Variants in SRGAP1 observed in about 807,000 individuals in gnomAD.
The protein encoded by SRGAP1 is SLIT-ROBO Rho GTPase-activating protein 1.
Under a neutral mutation model 121.9 loss-of-function variants are expected in SRGAP1, and 43 were observed. The observed-to-expected ratio is 0.35, with a 90% CI of 0.28 to 0.46. The LOEUF is 0.46. Among genes scored for constraint, SRGAP1 ranks in the 20% least tolerant of loss-of-function variants. SRGAP1 has a pLI of 1.00. For synonymous variants in SRGAP1, 447 were observed against 485.4 expected, an observed-to-expected ratio of 0.92 and a Z score of 1.04; for missense variants, 1,102 against 1,350.9, an observed-to-expected ratio of 0.82 and a Z score of 2.89.
chr12:64,000,273 TG>T (rs1452789341), intron 3 of SRGAP1, among the ~76,000 whole-genome samples: 3 of 147,184 alleles, frequency 2.0e-5, no homozygotes, highest in African/African-American at 7.7e-5. Flanking sequence ...TGTGTGTGTG[TG>T]TAAAAAAAAA....
chr12:63,898,911 G>T (rs1202478852), intron 1 of SRGAP1, among the ~76,000 whole-genome samples: 2 of 152,084 alleles, frequency 1.3e-5, no homozygotes, highest in African/African-American at 4.8e-5. Context: ...GAAAAGATAG[G>T]ACATATGTTT....
At chr12:64,017,862 A>G (rs1220298065) in intron 4 of SRGAP1, among the ~76,000 whole-genome samples, 1 of 152,136 alleles carries the variant, frequency 6.6e-6, no homozygotes, top group East Asian at 1.9e-4. Context: ...ATCGTTAAAA[A>G]TTAAATAAAT....
At chr12:64,116,576 G>A (rs1352638864) in intron 18 of SRGAP1, among the ~76,000 whole-genome samples, 1 of 152,108 alleles carries the variant, frequency 6.6e-6, no homozygotes, top group Non-Finnish European at 1.5e-5. Flanking sequence ...GCAGTTGCTT[G>A]CAGTTTGAAC....
chr12:63,976,662 G>A (rs1012580729), intron 1 of SRGAP1, among the ~76,000 whole-genome samples: 2 of 152,172 alleles, frequency 1.3e-5, no homozygotes, highest in African/African-American at 2.4e-5. Flanking sequence ...TTTCATAGTG[G>A]TTTACAGATT....
chr12:64,085,477 G>A (rs962763008), intron 10 of SRGAP1, among the ~76,000 whole-genome samples: 4 of 152,072 alleles, frequency 2.6e-5, no homozygotes, highest in Admixed American at 1.3e-4. Context: ...GTGATCTTAC[G>A]TGGCTCGTAT....
intron 3 of SRGAP1, among the ~76,000 whole-genome samples, chr12:63,994,203 C>A (rs2136423619): frequency 6.6e-6 from 1 of 152,252 alleles, no homozygotes; most frequent in South Asian, 2.1e-4. Context: ...TAACTTTTAT[C>A]TAATATCTTT....
chr12:64,049,215 G>T (rs1168191249), intron 6 of SRGAP1, among the ~76,000 whole-genome samples: 1 of 152,090 alleles, frequency 6.6e-6, no homozygotes, highest in African/African-American at 2.4e-5. Context: ...TCATTCTTCT[G>T]CATACGGGTA....
intron 1 of SRGAP1, among the ~76,000 whole-genome samples, chr12:63,852,088 G>A (rs968968758): frequency 2.0e-5 from 3 of 152,126 alleles, no homozygotes; most frequent in African/African-American, 7.2e-5. Context: ...ACCTCCCCAG[G>A]CTCAGGTGAT....
At chr12:64,107,928 C>G (rs2036371247) in intron 15 of SRGAP1, among the ~76,000 whole-genome samples, 1 of 152,048 alleles carries the variant, frequency 6.6e-6, no homozygotes, top group Admixed American at 6.6e-5. Context: ...ACTTATGAAA[C>G]AGAAAACAGA....
intron 1 of SRGAP1, among the ~76,000 whole-genome samples, chr12:63,974,932 C>T (rs1178389786): frequency 6.6e-6 from 1 of 152,144 alleles, no homozygotes; most frequent in Non-Finnish European, 1.5e-5. Flanking sequence ...CCAGAGCCAA[C>T]CCCTCTGAAG....
intron 18 of SRGAP1, among the ~76,000 whole-genome samples, chr12:64,124,895 A>G (rs923555529): frequency 2.6e-5 from 4 of 152,152 alleles, no homozygotes; most frequent in African/African-American, 9.7e-5. Flanking sequence ...CAAAACTGTA[A>G]TATCATTTCA....
At chr12:63,966,283 G>A (rs1439426175) in intron 1 of SRGAP1, among the ~76,000 whole-genome samples, 1 of 152,110 alleles carries the variant, frequency 6.6e-6, no homozygotes, top group East Asian at 1.9e-4. Flanking sequence ...AGCATTTTCT[G>A]TATGAGGCTC....
chr12:63,847,907 C>T (rs1353182920), intron 1 of SRGAP1, among the ~76,000 whole-genome samples: 1 of 151,694 alleles, frequency 6.6e-6, no homozygotes, highest in Non-Finnish European at 1.5e-5. Context: ...CTCCCATTTT[C>T]CCTAATAACA....
intron 6 of SRGAP1, among the ~76,000 whole-genome samples, chr12:64,060,200 T>C (rs1565661940): frequency 7.0e-6 from 1 of 143,292 alleles, no homozygotes. Flanking sequence ...TTTCTTTCTT[T>C]TTTTCTTTTT....
chr12:64,077,767 A>T (rs1430397137), intron 8 of SRGAP1, among the ~76,000 whole-genome samples: 4 of 152,124 alleles, frequency 2.6e-5, no homozygotes, highest in African/African-American at 9.6e-5. Context: ...GAAAGAATTG[A>T]TAAATGCATT....
At chr12:63,919,258 A>G (rs751669363) in intron 1 of SRGAP1, among the ~76,000 whole-genome samples, 18 of 152,020 alleles carry the variant, frequency 1.2e-4, no homozygotes, top group Non-Finnish European at 2.5e-4. Flanking sequence ...GGGTTTCGCC[A>G]TGTTGCCCAG....
chr12:64,099,957 C>A (rs911712812), intron 15 of SRGAP1, among the ~76,000 whole-genome samples: 1 of 152,106 alleles, frequency 6.6e-6, no homozygotes, highest in African/African-American at 2.4e-5. Flanking sequence ...AGGTTCAAAT[C>A]CTAGCTTTAC....
At chr12:63,877,694 G>T (rs756848115) in intron 1 of SRGAP1, among the ~76,000 whole-genome samples, 1 of 152,188 alleles carries the variant, frequency 6.6e-6, no homozygotes, top group Non-Finnish European at 1.5e-5. Flanking sequence ...TAATTTAGAT[G>T]TGTGGTGGTG....
chr12:63,868,230 C>T (rs926699722), intron 1 of SRGAP1, among the ~76,000 whole-genome samples: 4 of 151,130 alleles, frequency 2.6e-5, no homozygotes, highest in African/African-American at 4.9e-5. Flanking sequence ...TACAGGTGTG[C>T]ACCACCACAC....
Sources: allele counts gnomAD v4.1 joint callset (sites outside exome capture counted in the v4.1 genomes callset), GRCh38; gene constraint gnomAD v4.1.1; transcripts MANE v1.5; gene names NCBI Gene and HGNC (gene_info 2026-07-23, HGNC 2026-07-21).